C18orf54: variants seen among roughly 807,000 people sequenced by gnomAD.
The protein encoded by C18orf54 is chromosome 18 open reading frame 54, also known as lung adenoma susceptibility protein 2.
A neutral mutation model predicts 49.3 loss-of-function variants in C18orf54; 49 were observed. The observed-to-expected ratio is 0.99, with a 90% CI of 0.79 to 1.26. The LOEUF is 1.26. C18orf54 is among the 50% of genes most tolerant of loss of function. The pLI is 0.00. For missense variants in C18orf54, 687 were observed against 620.6 expected, an observed-to-expected ratio of 1.11 and a Z score of -1.14; for synonymous variants, 211 against 216.6, an observed-to-expected ratio of 0.97 and a Z score of 0.23.
intron 5 of C18orf54, among the ~76,000 whole-genome samples, chr18:54,363,389 C>T (rs535090019): frequency 1.3e-5 from 2 of 152,206 alleles, no homozygotes; most frequent in East Asian, 3.9e-4. Context: ...ACCATCTGGG[C>T]TCACTGCAAC....
At chr18:54,375,729 A>G (rs1275215014) in intron 8 of C18orf54, among the ~76,000 whole-genome samples, 1 of 152,034 alleles carries the variant, frequency 6.6e-6, no homozygotes, top group East Asian at 1.9e-4. Context: ...TAAGCAATCA[A>G]TAGTCTTACC....
Position 54,379,208 on chromosome 18 carries a change from TTAA to T in C18orf54, c.*965_*967del, listed in dbSNP as rs1289602064. 2.6e-5 allele frequency: 4 copies of T among 152,090 alleles called. No individual in the cohort carries two copies. The highest frequency in any genetic ancestry group is 9.7e-5 in the African/African-American group (4 of 41,438). The allele number at this position is 152,090 out of a possible 1,614,324, so 9.4% of individuals were successfully genotyped here. A position where few individuals can be genotyped will look rare whatever the true frequency, so the allele number is the denominator to read the frequency against. ...TATAATTTTTACCAAGCACTTATTA[TTAA>T]TACTTCTTATAAGTAGTAAGCATCT... On this transcript the variant is annotated 3_prime_UTR_variant, in exon 9 of 9. Coordinates refer to ENST00000620105, the MANE Select transcript of C18orf54 (RefSeq NM_001288980.2).
chr18:54,365,471 T>G (rs183228246), intron 5 of C18orf54, among the ~76,000 whole-genome samples: 229 of 152,086 alleles, frequency 1.5e-3, no homozygotes, highest in Non-Finnish European at 2.5e-3. Context: ...GTTAATATCT[T>G]CAGTTTCTTC....
Position 54,372,570 on chromosome 18 carries a change from C to T in C18orf54, c.1431C>T (p.Thr477=). 1 of 1,605,412 alleles carries T rather than the reference C, an allele frequency of 6.2e-7. No homozygotes were observed. Among genetic ancestry groups the T allele is most frequent in the South Asian group, 1.1e-5 (1 of 89,084 alleles). The change falls in exon 7 of 9, where the codon ACC becomes ACT. Residue 477 remains threonine, a synonymous_variant. Coordinates refer to ENST00000620105, the MANE Select transcript of C18orf54 (RefSeq NM_001288980.2). The stretch of plus-strand genomic sequence containing the variant: ...AAGAACGTTTTAATCAAAATAAGAC[C>T]ACAGATCCAAAAGAAGAGATTAAAC... ...AVQERFNQNK[T]TDPKEEIKQV...
chr18:54,372,745 G>T, intron 7 of C18orf54, 148 bp downstream of exon 7: 1 of 642,190 alleles, frequency 1.6e-6, no homozygotes. Flanking sequence ...TTTTTTGTTA[G>T]GAAGTAATGT....
chr18:54,365,046 T>C (rs890683924), intron 5 of C18orf54, among the ~76,000 whole-genome samples: 1 of 151,992 alleles, frequency 6.6e-6, no homozygotes, highest in East Asian at 1.9e-4. Context: ...CCCGTGAATA[T>C]CAGGAAAGAA....
intron 1 of C18orf54, chr18:54,358,533 C>T (rs1459405534): frequency 6.6e-6 from 1 of 152,306 alleles, no homozygotes; most frequent in Non-Finnish European, 1.5e-5. Flanking sequence ...AGGGTGTCGC[C>T]TGATTGGGAC....
intron 6 of C18orf54, among the ~76,000 whole-genome samples, chr18:54,370,411 G>T (rs752269847): frequency 2.6e-4 from 40 of 152,070 alleles, no homozygotes; most frequent in Non-Finnish European, 5.7e-4. Flanking sequence ...TGCAAATACT[G>T]TGCCATTTTA....
chr18:54,363,503 A>G (rs1348923121), intron 5 of C18orf54, among the ~76,000 whole-genome samples: 3 of 152,028 alleles, frequency 2.0e-5, no homozygotes, highest in Admixed American at 2.0e-4. Flanking sequence ...TTTTTAGTAG[A>G]GACGGGGTTT....
chr18:54,358,491 CTG>C (rs1417382635), intron 1 of C18orf54: 1 of 152,368 alleles, frequency 6.6e-6, no homozygotes, highest in African/African-American at 2.4e-5. Context: ...TTGTCTGTGT[CTG>C]TGACTGACGG....
At position 54,360,630 on chromosome 18, in the gene C18orf54, C is replaced by T. The variant is rs145235987; in HGVS notation, c.58C>T (p.Leu20=). The change falls in exon 3 of 9, where the codon CTG becomes TTG. Residue 20 remains leucine (L), a synonymous_variant. Transcript: ENST00000620105. ...LCSQESSVSA[L]LASCTLSGSN... is the part of the protein sequence containing the mutation. Reference sequence around the variant, plus strand: ...TTCTCAGGAATCTTCAGTATCTGCCCTGCTGGCAAGCTGCACCCTGAGTGG... The same window carrying T: ...TTCTCAGGAATCTTCAGTATCTGCCTTGCTGGCAAGCTGCACCCTGAGTGG... The T allele has an allele frequency of 1.4e-4, 225 of 1,614,068 alleles. No individual in the cohort carries two copies. Among genetic ancestry groups the T allele is most frequent in the Non-Finnish European group, 8.2e-5 (97 of 1,179,940 alleles).
At chr18:54,366,888 A>T (rs1167238227) in intron 6 of C18orf54, among the ~76,000 whole-genome samples, 1 of 152,076 alleles carries the variant, frequency 6.6e-6, no homozygotes, top group Non-Finnish European at 1.5e-5. Context: ...GTAAGTTGTA[A>T]TGTGAAATCT....
intron 6 of C18orf54, among the ~76,000 whole-genome samples, chr18:54,372,132 C>A (rs1351468581): frequency 1.3e-5 from 2 of 151,936 alleles, no homozygotes; most frequent in Admixed American, 1.3e-4. Context: ...GTTTACCTGT[C>A]CTCTGAAGAC....
rs182093395 is a variant in C18orf54, at chr18:54,373,551, G to A, written c.1459-663G>A. On this transcript the variant is annotated intron_variant, in intron 7 of 8. Transcript: ENST00000620105. ...TTTGAAAAACATCTCTGCAACTCCC[G>A]TCCCCACATCCAGATTCTACATATA... 2.5e-3 allele frequency among the ~76,000 whole-genome samples: 381 copies of A among 151,796 alleles called. 1 individual carries two copies. The highest frequency in any genetic ancestry group is 2.7e-3 in the Non-Finnish European group (185 of 67,686).
At chr18:54,358,139 G>A (rs1450701023) in intron 1 of C18orf54, 64 bp downstream of exon 1, 1 of 152,484 alleles carries the variant, frequency 6.6e-6, no homozygotes, top group Non-Finnish European at 1.5e-5. Context: ...AGTTAGGACG[G>A]AAAGGAGGGT....
intron 6 of C18orf54, among the ~76,000 whole-genome samples, chr18:54,367,790 C>G (rs6508292): frequency 0.74 from 113,140 of 151,956 alleles, 42,538 homozygotes; most frequent in African/African-American, 0.86. Context: ...ATTAGGTTTT[C>G]TGTGCCTTTT....
chr18:54,358,560 C>T (rs2089195724), intron 1 of C18orf54: 2 of 152,254 alleles, frequency 1.3e-5, no homozygotes, highest in Non-Finnish European at 2.9e-5. Flanking sequence ...AATTGGAATT[C>T]AGGGCGCCCG....
intron 8 of C18orf54, 110 bp from the exon 9 acceptor site, chr18:54,378,064 C>T (rs373816314): frequency 2.6e-5 from 16 of 613,804 alleles, no homozygotes; most frequent in Middle Eastern, 6.1e-4. Context: ...ATTTACTTCT[C>T]ATACCAATTT....
In C18orf54 at chr18:54,365,742, CTGA is replaced by C; in HGVS notation, c.1252_1254del (p.Asp418del). 1 of 1,596,366 alleles carries C rather than the reference CTGA, an allele frequency of 6.3e-7. No individual in the cohort carries two copies. The highest frequency in any genetic ancestry group is 8.6e-7 in the Non-Finnish European group (1 of 1,168,232). On this transcript the variant is annotated inframe_deletion, in exon 6 of 9. Transcript: ENST00000620105. ...AGCAAATCTCCTGTTCCCGTTAACT[CTGA>C]TGATAGTCCTCAACAAACTTCAAGG...
Sources: allele counts gnomAD v4.1 joint callset (sites outside exome capture counted in the v4.1 genomes callset), GRCh38; gene constraint gnomAD v4.1.1; transcripts MANE v1.5; gene names NCBI Gene and HGNC (gene_info 2026-07-23, HGNC 2026-07-21).